The following CCDC14 variants were observed in gnomAD, a reference collection of about 807,000 sequenced individuals.
CCDC14 encodes coiled-coil domain-containing protein 14.
Under a neutral mutation model 81.4 loss-of-function variants are expected in CCDC14, and 71 were observed. The ratio of observed to expected loss-of-function variants is 0.87; its 90% CI spans 0.72 to 1.06. The LOEUF is 1.06. CCDC14 is among the 50% of genes least tolerant of loss of function. The probability of loss-of-function intolerance (pLI) is 0.00; values close to 1 mark genes in which losing one functional copy is unlikely to be tolerated. For missense variants in CCDC14, 1,046 were observed against 1,047.3 expected, an observed-to-expected ratio of 1.00 and a Z score of 0.02; for synonymous variants, 332 against 364.8, an observed-to-expected ratio of 0.91 and a Z score of 1.03.
chr3:123,942,762 G>A (rs1241585312), intron 9 of CCDC14, among the ~76,000 whole-genome samples: 3 of 152,170 alleles, frequency 2.0e-5, no homozygotes, highest in East Asian at 3.9e-4. Flanking sequence ...AATAGACACT[G>A]AAGTGTTGGC....
chr3:123,894,548 C>T (rs769034710), downstream of CCDC14, among the ~76,000 whole-genome samples: 1 of 152,136 alleles, frequency 6.6e-6, no homozygotes, highest in Non-Finnish European at 1.5e-5. Context: ...TTGGGTAATA[C>T]TGTCATCATA....
At chr3:123,930,943 A>T in intron 12 of CCDC14, 159 bp downstream of exon 12, 1 of 631,466 alleles carries the variant, frequency 1.6e-6, no homozygotes, top group Non-Finnish European at 2.5e-6. Context: ...AAACTAATTT[A>T]ATTGGAACAG....
chr3:123,906,024 A>C (rs1004483518), intron 5 of CCDC14, among the ~76,000 whole-genome samples: 4 of 152,222 alleles, frequency 2.6e-5, no homozygotes, highest in Non-Finnish European at 5.9e-5. Flanking sequence ...TGAAAAACCA[A>C]TGAATGAGAT....
chr3:123,944,974 C>G lies in CCDC14; in HGVS notation c.1218G>C (p.Gln406His). 6.2e-7 allele frequency: 1 copy of G among 1,602,212 alleles called. No homozygotes were observed. Among genetic ancestry groups the G allele is most frequent in the Non-Finnish European group, 8.5e-7 (1 of 1,171,850 alleles). The part of the protein sequence containing the change: ...LVAEQEDSEI[Q>H]RLITEMEACI... ...ATGCCTCCATTTCTGTAATCAACCT[C>G]TGAATTTCTGAATCCTCTATAGAAG... The change falls in exon 9 of 13, where the codon CAG becomes CAC. Residue 406 changes from glutamine to histidine, a missense_variant. By Grantham distance (24) the Gln-to-His change is conservative (BLOSUM62 0). Coordinates refer to ENST00000409697, the MANE Select transcript of CCDC14 (RefSeq NM_001366335.1).
chr3:123,960,562 T>A (rs144713401), intron 1 of CCDC14, among the ~76,000 whole-genome samples: 73 of 152,358 alleles, frequency 4.8e-4, no homozygotes, highest in African/African-American at 1.8e-3. Flanking sequence ...AGTTATTCTA[T>A]GTAATACATA....
At chr3:123,956,262 T>C (rs1001313733) in intron 3 of CCDC14, 93 bp downstream of exon 3, 1 of 1,234,358 alleles carries the variant, frequency 8.1e-7, no homozygotes, top group African/African-American at 1.5e-5. Context: ...CATACTTCCT[T>C]AGAGCAATTA....
chr3:123,915,494 T>G lies in CCDC14; in HGVS notation c.2003A>C (p.Glu668Ala). ...ATAGGTTTTGTCTGGCTCTATGGTT[T>G]CCTCATTTTTAATTGTAGAAAGTGG... ...SEPLSTIKNE[E>A]TIEPDKTYEN... Residue 668 changes from glutamate to alanine, a missense_variant, in exon 13 of 13, where the codon GAA (glutamate) becomes GCA (alanine). By Grantham distance (107) the Glu-to-Ala change is moderately radical. Coordinates refer to ENST00000409697, the MANE Select transcript of CCDC14 (RefSeq NM_001366335.1). The G allele has an allele frequency of 6.2e-7, 1 of 1,613,988 alleles. No homozygotes were observed. The highest frequency in any genetic ancestry group is 8.5e-7 in the Non-Finnish European group (1 of 1,179,878).
intron 8 of CCDC14, among the ~76,000 whole-genome samples, chr3:123,946,357 GTTAC>G (rs1328072996): frequency 6.6e-6 from 1 of 152,058 alleles, no homozygotes; most frequent in African/African-American, 2.4e-5. Flanking sequence ...GAAGGTATGC[GTTAC>G]TTCTCAAAGT....
At chr3:123,958,991 T>C (rs914368609) in intron 1 of CCDC14, 2 of 152,188 alleles carry the variant, frequency 1.3e-5, no homozygotes, top group African/African-American at 2.4e-5. Flanking sequence ...TTTTTAAAGG[T>C]TGAATAATAG....
At chr3:123,930,116 T>C (rs1351463143) in intron 12 of CCDC14, among the ~76,000 whole-genome samples, 1 of 152,208 alleles carries the variant, frequency 6.6e-6, no homozygotes, top group African/African-American at 2.4e-5. Flanking sequence ...AAATAAAAGT[T>C]TGAATGCAAA....
the CCDC14 span, among the ~76,000 whole-genome samples, chr3:123,888,675 T>A: frequency 1.3e-5 from 2 of 152,172 alleles, no homozygotes; most frequent in Non-Finnish European, 2.9e-5. Flanking sequence ...GCTTTCTTCA[T>A]ATAGTGGCAG....
At chr3:123,954,368 T>C (rs2037208558) in intron 5 of CCDC14, 1 of 152,182 alleles carries the variant, frequency 6.6e-6, no homozygotes, top group Admixed American at 6.5e-5. Flanking sequence ...ATTAATAAAT[T>C]AGCTTGGCTG....
chr3:123,903,972 A>G (rs972686942), intron 5 of CCDC14, among the ~76,000 whole-genome samples: 2 of 152,228 alleles, frequency 1.3e-5, no homozygotes, highest in African/African-American at 4.8e-5. Context: ...GGCCCAGCCT[A>G]GAGCCTGCTA....
intron 9 of CCDC14, among the ~76,000 whole-genome samples, chr3:123,934,062 C>T (rs1308101127): frequency 3.3e-5 from 5 of 152,000 alleles, no homozygotes; most frequent in African/African-American, 1.2e-4. Context: ...CACCTGAGGT[C>T]AGGAGTTTGA....
chr3:123,914,379 G>GA lies in CCDC14; in HGVS notation c.*399dup, dbSNP rs1332545394. ...TATTAAAAAAAAGTATATGTAAACA[G>GA]AAAAAAAAAACCCTCTAGTTTCAAC... On this transcript the variant is annotated 3_prime_UTR_variant, in exon 13 of 13. Transcript: ENST00000409697. 6.5e-3 allele frequency: 5,535 copies of GA among 850,720 alleles called. 1 individual carries two copies. Among genetic ancestry groups the GA allele is most frequent in the East Asian group, 0.01 (82 of 7,846 alleles). 52.7% of individuals were successfully genotyped at this position (850,720 alleles called of 1,614,324 possible). A position where few individuals can be genotyped will look rare whatever the true frequency, so the allele number is the denominator to read the frequency against.
rs1353978769 is a variant in CCDC14, at chr3:123,946,953, T to C, written c.1051A>G (p.Thr351Ala). The C allele has an allele frequency of 1.2e-6, 2 of 1,614,026 alleles. No homozygotes were observed. ...ATGTTTAAATCCTTTCTTTCACTTG[T>C]GGCCTCTCTAATTTGCTCTCTGGCA... ...KCAREQIREA[T>A]SERKDLNIHV... is the part of the protein sequence containing the mutation. Residue 351 changes from threonine to alanine, a missense_variant, in exon 8 of 13, where the codon ACA becomes GCA. Coordinates refer to ENST00000409697, the MANE Select transcript of CCDC14 (RefSeq NM_001366335.1).
chr3:123,938,939 C>T (rs2036200016), intron 9 of CCDC14, among the ~76,000 whole-genome samples: 2 of 151,878 alleles, frequency 1.3e-5, no homozygotes, highest in African/African-American at 4.8e-5. Context: ...GTCAAGATTA[C>T]TAACACATTC....
At position 123,947,026 on chromosome 3, in the gene CCDC14, G is replaced by A. The variant is rs1356366217; in HGVS notation, c.978C>T (p.Ser326=). 6.2e-7 allele frequency: 1 copy of A among 1,613,942 alleles called. No homozygotes were observed. The highest frequency in any genetic ancestry group is 1.7e-5 in the Admixed American group (1 of 60,014). ...ETHLDSQTHR[S]PTQSQPAFLA... ...AGAAAGCTGGTTGTGACTGAGTAGG[G>A]CTTCGGTGTGTCTGACTGTCCAGAT... The change falls in exon 8 of 13, where the codon AGC becomes AGT. Residue 326 remains serine (S), a synonymous_variant. Coordinates refer to ENST00000409697, the MANE Select transcript of CCDC14 (RefSeq NM_001366335.1).
chr3:123,885,298 G>T, the CCDC14 span, among the ~76,000 whole-genome samples: 15,134 of 151,950 alleles, frequency 0.1, 867 homozygotes, highest in Middle Eastern at 0.21. Flanking sequence ...TCACCACCTG[G>T]ATCAAGAAAT....
Sources: gnomAD v4.1 joint callset for allele counts (sites outside exome capture counted in the v4.1 genomes callset) on GRCh38, gnomAD v4.1.1 for gene constraint, MANE v1.5 for transcripts, NCBI Gene and HGNC (gene_info 2026-07-23, HGNC 2026-07-21) for gene names.